The following ARHGAP17 variants were observed in gnomAD, a reference collection of about 807,000 sequenced individuals.
ARHGAP17 encodes rho GTPase-activating protein 17.
A neutral mutation model predicts 99.5 loss-of-function variants in ARHGAP17; 57 were observed. The ratio of observed to expected loss-of-function variants is 0.57; its 90% CI spans 0.46 to 0.71. The LOEUF (loss-of-function observed/expected upper bound fraction) is 0.71. Ranked by LOEUF, ARHGAP17 falls within the 30% of genes least tolerant of loss-of-function variation. The pLI is 0.00. For missense variants in ARHGAP17, 1,000 were observed against 1,122.4 expected (o/e 0.89, Z 1.56); for synonymous variants, 417 against 429.6 (o/e 0.97, Z 0.36).
At chr16:24,960,206 A>T (rs770075699) in intron 7 of ARHGAP17, among the ~76,000 whole-genome samples, 5 of 152,326 alleles carry the variant, frequency 3.3e-5, no homozygotes, top group Non-Finnish European at 7.3e-5. Context: ...TTTAAGAAGC[A>T]AAGTACAGAG....
intron 12 of ARHGAP17, among the ~76,000 whole-genome samples, chr16:24,951,315 C>T (rs915153812): frequency 1.3e-5 from 2 of 152,164 alleles, no homozygotes; most frequent in Non-Finnish European, 2.9e-5. Context: ...TCAGTTTCCT[C>T]TCTGTAAAAT....
rs765519468 is a variant in ARHGAP17 at position 24,931,155 on chromosome 16, G to A, written c.2144C>T (p.Pro715Leu). 46 of 1,600,326 alleles carry A rather than the reference G, an allele frequency of 2.9e-5. No individual in the cohort carries two copies. The highest frequency in any genetic ancestry group is 3.5e-5 in the Non-Finnish European group (41 of 1,173,820). Residue 715 changes from proline to leucine, a missense_variant, in exon 19 of 20, where the codon CCG becomes CTG. By Grantham distance (98) the Pro-to-Leu change is moderately conservative. Transcript: ENST00000289968. ...LSPIQAPNHP[P>L]PQPPTQATPL... is the part of the protein sequence containing the mutation. ...CGTGGCCTGCGTAGGGGGCTGCGGCGGTGGGTGATTGGGAGCTTGGATTGG... is the reference window on the plus strand; with the variant it reads ...CGTGGCCTGCGTAGGGGGCTGCGGCAGTGGGTGATTGGGAGCTTGGATTGG...
In ARHGAP17 at chr16:24,920,028, C is replaced by T. The variant is rs2050678499; in HGVS notation, c.*102G>A. The T allele has an allele frequency of 6.6e-7, 1 of 1,509,044 alleles. No homozygotes were observed. Among genetic ancestry groups the T allele is most frequent in the East Asian group, 2.3e-5 (1 of 42,954 alleles). The allele number at this position is 1,509,044 out of a possible 1,614,324, so 93.5% of individuals were successfully genotyped here. A position where few individuals can be genotyped will look rare whatever the true frequency, so the allele number is the denominator to read the frequency against. On this transcript the variant is annotated 3_prime_UTR_variant, in exon 20 of 20. Transcript: ENST00000289968. ...CACAGTGAGGCCCTCCTTTGTCCTC[C>T]ACTGAAAGCTTTTCACTGTTCGGTC...
intron 7 of ARHGAP17, 134 bp downstream of exon 7, chr16:24,964,058 GAAGAA>G: frequency 1.8e-6 from 1 of 545,780 alleles, no homozygotes; most frequent in Non-Finnish European, 3.1e-6. Context: ...TCTTAGAGAA[GAAGAA>G]AATAAAACCT....
chr16:24,939,529 G>A lies in ARHGAP17; in HGVS notation c.1559C>T (p.Ser520Phe). 1 of 1,609,378 alleles carries A rather than the reference G, an allele frequency of 6.2e-7. No individual in the cohort carries two copies. The highest frequency in any genetic ancestry group is 8.5e-7 in the Non-Finnish European group (1 of 1,178,620). ...CGGAAGTGGCGGCTGGAAAGCGGGG[G>A]ATATGTGCTTTCTATTTAGAGTGCC... ...RGGTLNRKHI[S>F]PAFQPPLPPT... The change falls in exon 17 of 20, where the codon TCC becomes TTC. Residue 520 changes from serine to phenylalanine, a missense_variant. Physicochemically the swap from Ser to Phe is radical, Grantham distance 155. Coordinates refer to ENST00000289968, the MANE Select transcript of ARHGAP17 (RefSeq NM_001006634.3).
intron 1 of ARHGAP17, among the ~76,000 whole-genome samples, chr16:24,994,958 C>T (rs1009602459): frequency 2.6e-5 from 4 of 152,134 alleles, no homozygotes; most frequent in African/African-American, 7.2e-5. Context: ...GACTCAGTTC[C>T]GCAGGGCTGG....
rs1049239165 is a variant in ARHGAP17, at chr16:25,015,340, C to A, written c.-79G>T. 7.1e-5 allele frequency: 85 copies of A among 1,196,310 alleles called. 1 individual carries two copies. The African/African-American group carries it at 1.3e-3, about 18-fold the overall frequency. 74.1% of individuals were successfully genotyped at this position (1,196,310 alleles called of 1,614,324 possible). A position where few individuals can be genotyped will look rare whatever the true frequency, so the allele number is the denominator to read the frequency against. On this transcript the variant is annotated 5_prime_UTR_variant, in exon 1 of 20. Coordinates refer to ENST00000289968, the MANE Select transcript of ARHGAP17 (RefSeq NM_001006634.3). ...AGCCTGGCAGCTACTACATCGCTTCCCGGCCCAAACGGCGGCGCGGCGGTG... is the reference window on the plus strand; with the variant it reads ...AGCCTGGCAGCTACTACATCGCTTCACGGCCCAAACGGCGGCGCGGCGGTG...
intron 1 of ARHGAP17, among the ~76,000 whole-genome samples, chr16:25,014,483 G>A (rs1373536686): frequency 6.6e-6 from 1 of 152,200 alleles, no homozygotes; most frequent in Non-Finnish European, 1.5e-5. Context: ...CGTAGCAAAG[G>A]AAGATAAAGA....
chr16:24,978,885 A>T, intron 2 of ARHGAP17, 81 bp downstream of exon 2: 2 of 862,162 alleles, frequency 2.3e-6, no homozygotes, highest in Non-Finnish European at 3.4e-6. Context: ...AAAAAAAAAA[A>T]GCCCACAGGC....
At chr16:24,996,528 C>T (rs1234813011) in intron 1 of ARHGAP17, among the ~76,000 whole-genome samples, 3 of 152,094 alleles carry the variant, frequency 2.0e-5, no homozygotes, top group South Asian at 2.1e-4. Context: ...ACCCACAACT[C>T]GGAAAGCAGA....
intron 9 of ARHGAP17, chr16:24,957,239 G>A (rs1475509597): frequency 1.3e-5 from 2 of 152,452 alleles, no homozygotes; most frequent in Non-Finnish European, 2.9e-5. Context: ...AAAAGGGACA[G>A]TTGGAGTGGG....
intron 14 of ARHGAP17, among the ~76,000 whole-genome samples, chr16:24,945,700 G>A (rs988290102): frequency 6.6e-6 from 1 of 152,168 alleles, no homozygotes; most frequent in African/African-American, 2.4e-5. Context: ...GCCTGTAAAT[G>A]ATCCTTCCCA....
chr16:24,922,603 G>A (rs2050744953), intron 19 of ARHGAP17, among the ~76,000 whole-genome samples: 2 of 151,992 alleles, frequency 1.3e-5, no homozygotes, highest in Non-Finnish European at 2.9e-5. Flanking sequence ...CACACAAAAA[G>A]TAGAAAGAAT....
At chr16:24,971,003 G>C (rs72770501) in intron 3 of ARHGAP17, among the ~76,000 whole-genome samples, 14,333 of 152,158 alleles carry the variant, frequency 0.094, 765 homozygotes, top group Middle Eastern at 0.2. Context: ...AGCCACTGAA[G>C]TAGGTGGGAT....
chr16:24,954,005 G>T (rs2051727033), intron 10 of ARHGAP17, among the ~76,000 whole-genome samples: 2 of 151,604 alleles, frequency 1.3e-5, no homozygotes, highest in African/African-American at 4.9e-5. Context: ...ATGCTTTTCT[G>T]TATGTACGTT....
At chr16:24,961,982 T>TTTTA (rs1555464020) in intron 7 of ARHGAP17, among the ~76,000 whole-genome samples, 15 of 149,022 alleles carry the variant, frequency 1.0e-4, no homozygotes, top group Admixed American at 4.7e-4. Flanking sequence ...GTTTTTTTTT[T>TTTTA]AATGTAATGA....
chr16:24,965,252 T>TGAGGTCAGGATATG (rs1197290312), intron 6 of ARHGAP17, among the ~76,000 whole-genome samples: 1 of 152,114 alleles, frequency 6.6e-6, no homozygotes, highest in Non-Finnish European at 1.5e-5. Context: ...GGGCGGATCA[T>TGAGGTCAGGATATG]GAGGTCAGGA....
chr16:24,954,561 G>A (rs1262176512), intron 10 of ARHGAP17, 42 bp downstream of exon 10: 3 of 1,592,822 alleles, frequency 1.9e-6, no homozygotes, highest in Non-Finnish European at 2.6e-6. Context: ...TACAACAAGG[G>A]GCATGGAGAC....
chr16:25,000,072 G>C (rs556502172), intron 1 of ARHGAP17, among the ~76,000 whole-genome samples: 2 of 152,138 alleles, frequency 1.3e-5, no homozygotes, highest in African/African-American at 4.8e-5. Flanking sequence ...CAGACACAGC[G>C]AGTAAACAGT....
Sources: allele counts gnomAD v4.1 joint callset (sites outside exome capture counted in the v4.1 genomes callset), GRCh38; gene constraint gnomAD v4.1.1; transcripts MANE v1.5; gene names NCBI Gene and HGNC (gene_info 2026-07-23, HGNC 2026-07-21).